The following SEMA5A variants were observed in gnomAD, a reference collection of about 807,000 sequenced individuals.
SEMA5A encodes semaphorin 5A.
In SEMA5A, 55 loss-of-function variants were observed where a neutral mutation model predicts 135.5. The ratio of observed to expected loss-of-function variants is 0.41; its 90% CI spans 0.33 to 0.51. SEMA5A has a LOEUF of 0.51. Ranked by LOEUF, SEMA5A falls within the 20% of genes least tolerant of loss-of-function variation. The pLI is 0.37. For missense variants in SEMA5A, 1,290 were observed against 1,419.9 expected (o/e 0.91, Z 1.47); for synonymous variants, 580 against 546.5 (o/e 1.06, Z -0.85).
chr5:9,251,900 A>G (rs986357365), intron 5 of SEMA5A, among the ~76,000 whole-genome samples: 1 of 152,200 alleles, frequency 6.6e-6, no homozygotes, highest in Admixed American at 6.5e-5. Context: ...TACCAGTATT[A>G]CATTCATCTT....
rs539809954 is a variant in SEMA5A at position 9,378,288 on chromosome 5, A to G, written c.124+1535T>C. Among the ~76,000 whole-genome samples, 35 of 152,172 alleles carry G rather than the reference A, an allele frequency of 2.3e-4. 1 individual carries two copies. The highest frequency in any genetic ancestry group is 4.6e-4 in the Non-Finnish European group (31 of 68,042). On this transcript the variant is annotated intron_variant, in intron 3 of 22. Coordinates refer to ENST00000382496, the MANE Select transcript of SEMA5A (RefSeq NM_003966.3). ...CATAAGGTGTACCTTCAGGATACGTAAAGAGTTGATGAAGGAAAGATAGTT... is the reference window on the plus strand; with the variant it reads ...CATAAGGTGTACCTTCAGGATACGTGAAGAGTTGATGAAGGAAAGATAGTT...
At chr5:9,226,075 C>T (rs917650701) in intron 7 of SEMA5A, among the ~76,000 whole-genome samples, 4 of 152,172 alleles carry the variant, frequency 2.6e-5, no homozygotes, top group Admixed American at 2.6e-4. Context: ...CAGGGTGCAG[C>T]ACCTAGAGAG....
chr5:9,204,438 G>A lies in SEMA5A; in HGVS notation c.647-2198C>T, dbSNP rs193092917. Among the ~76,000 whole-genome samples, 35 of 152,284 alleles carry A rather than the reference G, an allele frequency of 2.3e-4. No individual in the cohort carries two copies. The highest frequency in any genetic ancestry group is 5.5e-4 in the African/African-American group (23 of 41,566). ...TCTCAAAAGTCCTGAGCTGAAAAACGAGAAGATACAAAGGAAGAAAGATCT... is the reference window on the plus strand; with the variant it reads ...TCTCAAAAGTCCTGAGCTGAAAAACAAGAAGATACAAAGGAAGAAAGATCT... On this transcript the variant is annotated intron_variant, in intron 8 of 22. Coordinates refer to ENST00000382496, the MANE Select transcript of SEMA5A (RefSeq NM_003966.3). This position sits in a 1 kb window ranked among gnomAD's most constrained non-coding sequence, Gnocchi z 6.4.
chr5:9,088,659 T>TATACAC, intron 16 of SEMA5A, among the ~76,000 whole-genome samples: 26 of 112,856 alleles, frequency 2.3e-4, no homozygotes, highest in East Asian at 2.0e-3. Context: ...TATATATATA[T>TATACAC]ACACACACAC....
At chr5:9,135,785 A>G (rs867084557) in intron 13 of SEMA5A, among the ~76,000 whole-genome samples, 1 of 152,220 alleles carries the variant, frequency 6.6e-6, no homozygotes, top group Non-Finnish European at 1.5e-5. Context: ...AGAATTTAAG[A>G]TGATTCAATG....
intron 1 of SEMA5A, among the ~76,000 whole-genome samples, chr5:9,463,216 C>T (rs987130835): frequency 2.0e-5 from 3 of 151,946 alleles, no homozygotes; most frequent in Non-Finnish European, 4.4e-5. Flanking sequence ...TTCTCAAGTG[C>T]GAAGTATGGA....
At chr5:9,086,272 CA>C (rs755548361) in intron 16 of SEMA5A, among the ~76,000 whole-genome samples, 2 of 151,968 alleles carry the variant, frequency 1.3e-5, no homozygotes, top group Non-Finnish European at 2.9e-5. Context: ...TGGGAGGGAC[CA>C]GGGGCAGAGT....
chr5:9,406,938 A>G (rs1756909162), intron 2 of SEMA5A, among the ~76,000 whole-genome samples: 1 of 152,256 alleles, frequency 6.6e-6, no homozygotes, highest in African/African-American at 2.4e-5. Flanking sequence ...AAGGTACTGT[A>G]TCAAATTTCT....
chr5:9,176,615 T>C (rs1041443100), intron 11 of SEMA5A, among the ~76,000 whole-genome samples: 4 of 152,258 alleles, frequency 2.6e-5, no homozygotes, highest in African/African-American at 9.6e-5. Flanking sequence ...TAACACCTTG[T>C]TGAACTGTGT....
intron 16 of SEMA5A, among the ~76,000 whole-genome samples, chr5:9,102,925 C>G (rs1435003495): frequency 2.0e-5 from 3 of 152,200 alleles, no homozygotes; most frequent in Non-Finnish European, 2.9e-5. Context: ...CTTACACATA[C>G]ATCACTGGCC....
At chr5:9,336,399 C>T (rs1490761501) in intron 4 of SEMA5A, among the ~76,000 whole-genome samples, 1 of 152,050 alleles carries the variant, frequency 6.6e-6, no homozygotes, top group Admixed American at 6.6e-5. Flanking sequence ...CTGTGGTATG[C>T]AGAAGGAGGA....
chr5:9,390,316 A>C lies in SEMA5A; in HGVS notation c.-77-10293T>G, dbSNP rs1361769267. Among the ~76,000 whole-genome samples the C allele has an allele frequency of 2.0e-5, 3 of 152,208 alleles. No homozygotes were observed. The East Asian group carries it at 5.8e-4, about 29-fold the overall frequency. On this transcript the variant is annotated intron_variant, in intron 2 of 22. Transcript: ENST00000382496. ...ATGAAAGCAGACGGAAGATATCACC[A>C]AATGTATGAACCCTGAGGGGGTCAG...
chr5:9,190,591 T>A, intron 10 of SEMA5A, 120 bp from the exon 11 acceptor site: 1 of 805,552 alleles, frequency 1.2e-6, no homozygotes, highest in Non-Finnish European at 2.0e-6. Context: ...ATCATTGAAG[T>A]ATGCAAACAT....
At chr5:9,061,564 G>C (rs1446655299) in intron 18 of SEMA5A, among the ~76,000 whole-genome samples, 2 of 152,150 alleles carry the variant, frequency 1.3e-5, no homozygotes, top group Non-Finnish European at 1.5e-5. Context: ...GGAAGTTCTG[G>C]TGGAAGTGTT....
intron 1 of SEMA5A, among the ~76,000 whole-genome samples, chr5:9,456,565 T>C (rs988334933): frequency 3.9e-5 from 6 of 152,188 alleles, no homozygotes; most frequent in Admixed American, 6.5e-5. Context: ...AGATGTGTCA[T>C]GGCCTCAGAC....
At chr5:9,176,311 G>A (rs1031875488) in intron 11 of SEMA5A, among the ~76,000 whole-genome samples, 8 of 152,084 alleles carry the variant, frequency 5.3e-5, no homozygotes, top group African/African-American at 1.7e-4. Flanking sequence ...CCAACAGCCA[G>A]GACAAAACTA....
chr5:9,204,350 C>T lies in SEMA5A; in HGVS notation c.647-2110G>A, dbSNP rs1443289380. Among the ~76,000 whole-genome samples, 1 of 152,164 alleles carries T rather than the reference C, an allele frequency of 6.6e-6. No individual in the cohort carries two copies. The highest frequency in any genetic ancestry group is 2.1e-4 in the South Asian group (1 of 4,824). ...AACTTATCAAATACACTCACTATTA[C>T]CCACTTCTGCTATTAACTTGGGGAC... On this transcript the variant is annotated intron_variant, in intron 8 of 22. Coordinates refer to ENST00000382496, the MANE Select transcript of SEMA5A (RefSeq NM_003966.3). This position sits in a 1 kb window ranked among gnomAD's most constrained non-coding sequence, Gnocchi z 6.4.
At chr5:9,047,927 G>A (rs1736359559) in intron 21 of SEMA5A, among the ~76,000 whole-genome samples, 1 of 152,126 alleles carries the variant, frequency 6.6e-6, no homozygotes, top group South Asian at 2.1e-4. Flanking sequence ...GGTTCTCAAG[G>A]CCCTTGAAGG....
At chr5:9,447,980 G>C (rs1758495958) in intron 1 of SEMA5A, among the ~76,000 whole-genome samples, 1 of 152,136 alleles carries the variant, frequency 6.6e-6, no homozygotes, top group Non-Finnish European at 1.5e-5. Context: ...TCATCTAGGA[G>C]ACAACCTGAT....
Sources: allele counts gnomAD v4.1 joint callset (sites outside exome capture counted in the v4.1 genomes callset), GRCh38; gene constraint gnomAD v4.1.1; non-coding constraint Gnocchi (gnomAD v3.1); transcripts MANE v1.5; gene names NCBI Gene and HGNC (gene_info 2026-07-23, HGNC 2026-07-21).